GFOD1: variants seen among roughly 807,000 people sequenced by gnomAD.
The protein encoded by GFOD1 is glucose-fructose oxidoreductase domain-containing protein 1.
GFOD1 carries 9 observed loss-of-function variants against 25.4 expected under a neutral mutation model. The observed-to-expected ratio is 0.35, with a 90% CI of 0.21 to 0.62. The LOEUF is 0.62. Among genes scored for constraint, GFOD1 ranks in the 20% least tolerant of loss-of-function variants. The pLI is 0.72. For missense variants in GFOD1, 403 were observed against 556.9 expected, an observed-to-expected ratio of 0.72 and a Z score of 2.78; for synonymous variants, 253 against 245.6, an observed-to-expected ratio of 1.03 and a Z score of -0.28.
At chr6:13,388,492 G>A (rs566339633) in intron 1 of GFOD1, among the ~76,000 whole-genome samples, 14 of 152,186 alleles carry the variant, frequency 9.2e-5, no homozygotes, top group Non-Finnish European at 1.9e-4. Flanking sequence ...TGACAAATAT[G>A]ACAAAAACAA....
intron 1 of GFOD1, among the ~76,000 whole-genome samples, chr6:13,411,370 C>G (rs1369777996): frequency 6.6e-6 from 1 of 152,224 alleles, no homozygotes; most frequent in Non-Finnish European, 1.5e-5. Context: ...CGGCTCACAG[C>G]AACCTTTACC....
chr6:13,403,189 G>A (rs1249453211), intron 1 of GFOD1, among the ~76,000 whole-genome samples: 2 of 151,230 alleles, frequency 1.3e-5, no homozygotes, highest in Non-Finnish European at 2.9e-5. Context: ...ACAGTGGTGC[G>A]AACTCAGCTC....
chr6:13,435,156 C>G (rs554109770), intron 1 of GFOD1, among the ~76,000 whole-genome samples: 1 of 152,308 alleles, frequency 6.6e-6, no homozygotes, highest in South Asian at 2.1e-4. Context: ...TACCCGGGAA[C>G]AGAGTGCTAA....
At chr6:13,483,875 G>A (rs939323655) in intron 1 of GFOD1, among the ~76,000 whole-genome samples, 1 of 152,152 alleles carries the variant, frequency 6.6e-6, no homozygotes, top group Non-Finnish European at 1.5e-5. Context: ...TTGTGAAATG[G>A]AGCTAATATC....
chr6:13,460,790 T>C (rs1006833368), intron 1 of GFOD1, among the ~76,000 whole-genome samples: 9 of 152,230 alleles, frequency 5.9e-5, no homozygotes, highest in African/African-American at 2.2e-4. Flanking sequence ...CACATTCACC[T>C]ATGTAACAAA....
chr6:13,407,946 A>G (rs1310584662), intron 1 of GFOD1: 27 of 985,168 alleles, frequency 2.7e-5, no homozygotes, highest in Non-Finnish European at 3.1e-5. Context: ...CCAACCAAAG[A>G]GCAGAAGTTC....
chr6:13,419,098 G>C (rs753761950), intron 1 of GFOD1, among the ~76,000 whole-genome samples: 1 of 152,204 alleles, frequency 6.6e-6, no homozygotes, highest in Non-Finnish European at 1.5e-5. Flanking sequence ...AGAAGAAGCA[G>C]ATGGTTCTTG....
intron 1 of GFOD1, among the ~76,000 whole-genome samples, chr6:13,413,430 A>T (rs1053436221): frequency 6.6e-6 from 1 of 152,236 alleles, no homozygotes; most frequent in Non-Finnish European, 1.5e-5. Flanking sequence ...ATGCCTCATC[A>T]AAAGGATAAT....
Position 13,359,479 on chromosome 6 carries a change from G to A in GFOD1, c.*5264C>T, listed in dbSNP as rs969326012. 3 of 152,160 alleles carry A rather than the reference G, an allele frequency of 2.0e-5. No homozygotes were observed. Among genetic ancestry groups the A allele is most frequent in the Non-Finnish European group, 2.9e-5 (2 of 68,056 alleles). The allele number at this position is 152,160 out of a possible 1,614,324, so 9.4% of individuals were successfully genotyped here. On this transcript the variant is annotated 3_prime_UTR_variant, in exon 2 of 2. Transcript: ENST00000379287. Reference sequence around the variant, plus strand: ...TGGGGTGGGGATGCAGGTGGAGGGTGAGCCAAGTAGACCAAGCCTCAGGAA... The same window carrying A: ...TGGGGTGGGGATGCAGGTGGAGGGTAAGCCAAGTAGACCAAGCCTCAGGAA...
intron 1 of GFOD1, among the ~76,000 whole-genome samples, chr6:13,392,459 T>A (rs1238689267): frequency 6.7e-6 from 1 of 148,282 alleles, no homozygotes; most frequent in Non-Finnish European, 1.5e-5. Flanking sequence ...TCTTAATTAC[T>A]TTTTTTTTTA....
At chr6:13,476,633 C>G (rs967103908) in intron 1 of GFOD1, among the ~76,000 whole-genome samples, 1 of 152,094 alleles carries the variant, frequency 6.6e-6, no homozygotes, top group African/African-American at 2.4e-5. Flanking sequence ...GTTAAAACTG[C>G]AAACCAACTT....
intron 1 of GFOD1, among the ~76,000 whole-genome samples, chr6:13,474,023 G>A (rs190789156): frequency 7.9e-5 from 12 of 152,338 alleles, no homozygotes; most frequent in Non-Finnish European, 1.8e-4. Flanking sequence ...CCCCTTCCGG[G>A]CCCCTTGTGC....
intron 1 of GFOD1, among the ~76,000 whole-genome samples, chr6:13,429,776 T>C (rs1213302871): frequency 6.6e-6 from 1 of 152,208 alleles, no homozygotes; most frequent in Non-Finnish European, 1.5e-5. Flanking sequence ...AGTATTATTT[T>C]GTAAAACATT....
At chr6:13,387,705 C>T (rs1785505038) in intron 1 of GFOD1, among the ~76,000 whole-genome samples, 1 of 152,154 alleles carries the variant, frequency 6.6e-6, no homozygotes, top group Non-Finnish European at 1.5e-5. Flanking sequence ...TGAAAACTGG[C>T]ACAAGACAAG....
At chr6:13,412,659 G>A (rs1368281578) in intron 1 of GFOD1, among the ~76,000 whole-genome samples, 1 of 152,224 alleles carries the variant, frequency 6.6e-6, no homozygotes, top group African/African-American at 2.4e-5. Context: ...TGTCGACCCT[G>A]GGATGGGAGA....
At chr6:13,426,009 T>A (rs905775713) in intron 1 of GFOD1, among the ~76,000 whole-genome samples, 1 of 152,260 alleles carries the variant, frequency 6.6e-6, no homozygotes, top group Non-Finnish European at 1.5e-5. Context: ...AAGCTTGGTC[T>A]TCCGCCATGC....
intron 1 of GFOD1, among the ~76,000 whole-genome samples, chr6:13,393,565 G>C (rs568801836): frequency 6.6e-6 from 1 of 151,984 alleles, no homozygotes; most frequent in Non-Finnish European, 1.5e-5. Context: ...CCTGAAAACA[G>C]AGTCTCCTCC....
intron 1 of GFOD1, among the ~76,000 whole-genome samples, chr6:13,377,191 T>C (rs932162786): frequency 6.6e-6 from 1 of 152,188 alleles, no homozygotes; most frequent in Non-Finnish European, 1.5e-5. Flanking sequence ...ATCTCCAGTA[T>C]ACCACAGTCC....
intron 1 of GFOD1, among the ~76,000 whole-genome samples, chr6:13,443,361 A>G (rs892065415): frequency 2.6e-5 from 4 of 152,256 alleles, no homozygotes; most frequent in Non-Finnish European, 5.9e-5. Flanking sequence ...ACATAAACTT[A>G]GTTGATAAAG....
Sources: gnomAD v4.1 joint callset for allele counts (sites outside exome capture counted in the v4.1 genomes callset) on GRCh38, gnomAD v4.1.1 for gene constraint, MANE v1.5 for transcripts, NCBI Gene and HGNC (gene_info 2026-07-23, HGNC 2026-07-21) for gene names.